The following HNF1B variants were observed in gnomAD, a reference collection of about 807,000 sequenced individuals.
HNF1B encodes HNF1 homeobox B, also known as hepatocyte nuclear factor 1-beta.
HNF1B carries 8 observed loss-of-function variants against 61.7 expected under a neutral mutation model. The observed-to-expected ratio is 0.13, with a 90% CI of 0.08 to 0.23. The LOEUF is 0.23. HNF1B is among the 10% of genes least tolerant of loss of function. HNF1B has a pLI of 1.00. For missense variants in HNF1B, 562 were observed against 714.5 expected (o/e 0.79, Z 2.43); for synonymous variants, 314 against 287.7 (o/e 1.09, Z -0.93).
intron 8 of HNF1B, among the ~76,000 whole-genome samples, chr17:37,695,026 G>A (rs2032338161): frequency 6.6e-6 from 1 of 152,226 alleles, no homozygotes. Context: ...AAAGAGGGCT[G>A]CATGCTATAG....
chr17:37,731,533 G>C (rs748997414), intron 4 of HNF1B, 62 bp downstream of exon 4: 1 of 1,362,774 alleles, frequency 7.3e-7, no homozygotes, highest in Non-Finnish European at 1.0e-6. Context: ...AACCAGATAA[G>C]ATCCGTGGCA....
At chr17:37,733,957 A>T in intron 2 of HNF1B, 136 bp from the exon 3 acceptor site, 1 of 1,058,394 alleles carries the variant, frequency 9.4e-7, no homozygotes, top group Non-Finnish European at 1.4e-6. Flanking sequence ...CTCTCACTGC[A>T]TGTGGAGCTG....
intron 3 of HNF1B, among the ~76,000 whole-genome samples, chr17:37,733,041 T>G (rs1270048494): frequency 6.6e-6 from 1 of 152,048 alleles, no homozygotes; most frequent in Non-Finnish European, 1.5e-5. Context: ...ACTGAACAGA[T>G]CTGACCAATT....
At chr17:37,702,034 C>A (rs909146582) in intron 6 of HNF1B, among the ~76,000 whole-genome samples, 1 of 152,114 alleles carries the variant, frequency 6.6e-6, no homozygotes, top group Non-Finnish European at 1.5e-5. Flanking sequence ...TCCCTGAGAG[C>A]GACACGGAGG....
rs1311668157 is a variant in HNF1B at position 37,688,171 on chromosome 17, G to A, written c.1654-779C>T. On this transcript the variant is annotated intron_variant, in intron 8 of 8. Transcript: ENST00000617811. ...CCCCAGAATGGCTGGAGAAGCCCTC[G>A]AGAGAAGCCACCTCACCCAACTCAG... is the stretch of plus-strand genomic sequence containing the variant. 3.3e-5 allele frequency among the ~76,000 whole-genome samples: 5 copies of A among 152,122 alleles called. No individual in the cohort carries two copies. The East Asian group carries it at 5.8e-4, about 18-fold the overall frequency.
chr17:37,724,091 G>T lies in HNF1B; in HGVS notation c.1045+7504C>A, dbSNP rs188138437. 3.0e-4 allele frequency among the ~76,000 whole-genome samples: 45 copies of T among 152,282 alleles called. No individual in the cohort carries two copies. In the East Asian group the frequency reaches 5.8e-3, roughly 20 times the overall value. On this transcript the variant is annotated intron_variant, in intron 4 of 8. Coordinates refer to ENST00000617811, the MANE Select transcript of HNF1B (RefSeq NM_000458.4). ...CAAATTACACAGGTTGGGAGGCAAAGGGGAGTTAGTTGCTAATCCAACTCC... is the reference window on the plus strand; with the variant it reads ...CAAATTACACAGGTTGGGAGGCAAATGGGAGTTAGTTGCTAATCCAACTCC...
intron 6 of HNF1B, 114 bp from the exon 7 acceptor site, chr17:37,701,291 A>G: frequency 9.9e-7 from 1 of 1,005,642 alleles, no homozygotes; most frequent in Non-Finnish European, 1.5e-6. Flanking sequence ...AGCCTGTTAC[A>G]TAGGAGATTC....
chr17:37,705,653 A>C (rs2147460180), intron 5 of HNF1B, among the ~76,000 whole-genome samples: 1 of 152,308 alleles, frequency 6.6e-6, no homozygotes, highest in Middle Eastern at 3.4e-3. Context: ...ACTTCACTGA[A>C]TCCTACTAGT....
At chr17:37,720,547 A>G (rs567155012) in intron 4 of HNF1B, among the ~76,000 whole-genome samples, 67 of 152,138 alleles carry the variant, frequency 4.4e-4, no homozygotes, top group African/African-American at 1.6e-3. Flanking sequence ...TGCTATATAA[A>G]ACAAAACTAA....
chr17:37,690,534 C>T (rs2032163903), intron 8 of HNF1B, among the ~76,000 whole-genome samples: 1 of 152,050 alleles, frequency 6.6e-6, no homozygotes, highest in Non-Finnish European at 1.5e-5. Context: ...GACAAGGGGG[C>T]CTGGGCTGGG....
intron 3 of HNF1B, 32 bp from the exon 4 acceptor site, chr17:37,731,862 AG>A (rs748014933): frequency 5.6e-5 from 23 of 410,582 alleles, no homozygotes; most frequent in African/African-American, 2.5e-4. Flanking sequence ...ATGGTGAGTG[AG>A]GGGGGGCGGG....
chr17:37,734,534 G>C (rs2033778932), intron 2 of HNF1B, among the ~76,000 whole-genome samples: 1 of 152,158 alleles, frequency 6.6e-6, no homozygotes, highest in African/African-American at 2.4e-5. Flanking sequence ...GATTTTTGTG[G>C]AATGAATGAG....
chr17:37,744,563 C>T lies in HNF1B; in HGVS notation c.322G>A (p.Ala108Thr). 1 of 1,604,514 alleles carries T rather than the reference C, an allele frequency of 6.2e-7. No homozygotes were observed. Among genetic ancestry groups the T allele is most frequent in the Non-Finnish European group, 8.5e-7 (1 of 1,179,890 alleles). Residue 108 changes from alanine to threonine, a missense_variant, in exon 1 of 9, where the codon GCG (alanine) becomes ACG (threonine). Physicochemically the swap from Ala to Thr is moderately conservative, Grantham distance 58. Around this residue, in one of 6 missense-constraint regions of HNF1B, gnomAD observed 148 missense variants for 147.3 expected, o/e 1.00. Transcript: ENST00000617811. The stretch of plus-strand genomic sequence containing the variant: ...TACCTGAGCATCCGGTCCACCTCCG[C>T]CCGCTGCTCCGCCGCCTCCTCGGTG... ...LNTEEAAEQR[A>T]EVDRMLSEDP...
Position 37,704,930 on chromosome 17 carries a change from C to T in HNF1B, c.1326G>A (p.Met442Ile). 6.2e-7 allele frequency: 1 copy of T among 1,614,100 alleles called. No individual in the cohort carries two copies. The highest frequency in any genetic ancestry group is 8.5e-7 in the Non-Finnish European group (1 of 1,180,006). The change falls in exon 6 of 9, where the codon ATG becomes ATA. Residue 442 changes from methionine to isoleucine, a missense_variant. Around this residue, in one of 6 missense-constraint regions of HNF1B, gnomAD observed 211 missense variants for 200.7 expected, o/e 1.05. Transcript: ENST00000617811. ...NLIMTPLSGV[M>I]AIAQSLNTSQ... ...AATAGAACTTACTTTGTGCAATTGCCATGACTCCAGAGAGGGGTGTCATGA... is the reference window on the plus strand; with the variant it reads ...AATAGAACTTACTTTGTGCAATTGCTATGACTCCAGAGAGGGGTGTCATGA...
chr17:37,699,178 C>T lies in HNF1B; in HGVS notation c.1551G>A (p.Gln517=). The change falls in exon 8 of 9, where the codon CAG becomes CAA. Residue 517 remains glutamine (Q), a synonymous_variant. Transcript: ENST00000617811. ...AGGTGTGGGAATACTGGGGGGGTTC[C>T]TGCTTGTGTGCGTACACTGGAGAGA... ...LQNSHMYAHK[Q]EPPQYSHTSR... 2 of 1,614,034 alleles carry T rather than the reference C, an allele frequency of 1.2e-6. No homozygotes were observed. The highest frequency in any genetic ancestry group is 2.2e-5 in the South Asian group (2 of 91,080).
intron 4 of HNF1B, among the ~76,000 whole-genome samples, chr17:37,724,347 A>G (rs1299405480): frequency 6.6e-6 from 1 of 152,144 alleles, no homozygotes; most frequent in African/African-American, 2.4e-5. Context: ...AGTTTTAACT[A>G]CTGATATGTA....
intron 2 of HNF1B, among the ~76,000 whole-genome samples, chr17:37,734,057 C>A (rs995974344): frequency 9.2e-5 from 14 of 152,326 alleles, no homozygotes; most frequent in African/African-American, 3.4e-4. Flanking sequence ...GGAGCTCAAA[C>A]ATAGCCAGCT....
At chr17:37,704,477 CAG>C (rs1329152687) in intron 6 of HNF1B, among the ~76,000 whole-genome samples, 1 of 152,176 alleles carries the variant, frequency 6.6e-6, no homozygotes, top group Non-Finnish European at 1.5e-5. Context: ...CATCACCAAA[CAG>C]AAAGAACCTC....
intron 2 of HNF1B, among the ~76,000 whole-genome samples, chr17:37,739,013 G>A (rs1598848244): frequency 2.0e-5 from 3 of 152,114 alleles, no homozygotes; most frequent in Admixed American, 2.0e-4. Context: ...CCAGAGAGGA[G>A]GAAATTAACA....
Sources: allele counts gnomAD v4.1 joint callset (sites outside exome capture counted in the v4.1 genomes callset), GRCh38; gene constraint gnomAD v4.1.1; regional missense constraint gnomAD v4.1.1; transcripts MANE v1.5; gene names NCBI Gene and HGNC (gene_info 2026-07-23, HGNC 2026-07-21).